MDGA1: variants seen among roughly 807,000 people sequenced by gnomAD.
MDGA1 encodes MAM domain-containing glycosylphosphatidylinositol anchor protein 1.
Under a neutral mutation model 101.5 loss-of-function variants are expected in MDGA1, and 54 were observed. That is an observed-to-expected ratio of 0.53 (90% CI 0.43 to 0.67). The LOEUF (loss-of-function observed/expected upper bound fraction) is 0.67, where lower values mean the gene tolerates loss of function less well. Ranked by LOEUF, MDGA1 falls within the 30% of genes least tolerant of loss-of-function variation. MDGA1 has a pLI of 0.00. For missense variants in MDGA1, 1,083 were observed against 1,323.8 expected, an observed-to-expected ratio of 0.82 and a Z score of 2.82; for synonymous variants, 533 against 558.3, an observed-to-expected ratio of 0.95 and a Z score of 0.64.
chr6:37,660,619 T>G (rs1761600874), intron 2 of MDGA1, among the ~76,000 whole-genome samples: 1 of 152,198 alleles, frequency 6.6e-6, no homozygotes. Context: ...TGATCAGGTT[T>G]TATAATCTCC....
intron 1 of MDGA1, among the ~76,000 whole-genome samples, chr6:37,664,639 G>T (rs1346834560): frequency 3.1e-5 from 1 of 32,492 alleles, no homozygotes; most frequent in East Asian, 1.6e-3. Flanking sequence ...ACACACAGAG[G>T]TGGGGTGACT....
intron 14 of MDGA1, among the ~76,000 whole-genome samples, chr6:37,642,589 T>G (rs934647193): frequency 1.3e-5 from 2 of 152,190 alleles, no homozygotes; most frequent in East Asian, 3.8e-4. Context: ...TGTGCCCTTT[T>G]GTACCTTTTG....
Position 37,638,397 on chromosome 6 carries a change from C to T in MDGA1, c.2668-84G>A. On this transcript the variant is annotated intron_variant, in intron 15 of 16. Coordinates refer to ENST00000434837, the MANE Select transcript of MDGA1 (RefSeq NM_153487.4). The surrounding 1 kb of genome is among the most constrained non-coding windows in gnomAD (Gnocchi z 4.8). ...GTGCTCCCTCGACCCCACCTTTCCC[C>T]TTAATCTACCTGGAAGTTCCCCCTA... is the stretch of plus-strand genomic sequence containing the variant. The T allele has an allele frequency of 2.0e-6, 3 of 1,510,308 alleles. No homozygotes were observed. The highest frequency in any genetic ancestry group is 9.0e-7 in the Non-Finnish European group (1 of 1,108,552). The allele number at this position is 1,510,308 out of a possible 1,614,324, so 93.6% of individuals were successfully genotyped here.
chr6:37,697,712 G>C lies in MDGA1; in HGVS notation c.-901C>G, dbSNP rs146513610. ...TAGCCCTCCCGGGCTCCGAGCTCTC[G>C]GGAGAGCGGGGCTACGCCGCGCCCC... is the stretch of plus-strand genomic sequence containing the variant. On this transcript the variant is annotated 5_prime_UTR_variant, in exon 1 of 17. Transcript: ENST00000434837. 6.7e-6 allele frequency: 1 copy of C among 150,196 alleles called. No homozygotes were observed. Among genetic ancestry groups the C allele is most frequent in the South Asian group, 2.1e-4 (1 of 4,818 alleles). 9.3% of individuals were successfully genotyped at this position (150,196 alleles called of 1,614,324 possible).
chr6:37,649,774 G>C (rs1761312877), intron 8 of MDGA1: 1 of 530,702 alleles, frequency 1.9e-6, no homozygotes, highest in African/African-American at 1.9e-5. Context: ...TTTGGCACAT[G>C]GTGGTAATTT....
intron 13 of MDGA1, 117 bp downstream of exon 13, chr6:37,644,380 A>C (rs1764173900): frequency 8.8e-7 from 1 of 1,134,334 alleles, no homozygotes; most frequent in Non-Finnish European, 1.2e-6. Flanking sequence ...CCCTGAGAAC[A>C]GGGCTGCGTC....
chr6:37,646,089 G>A (rs1255662067), intron 11 of MDGA1, 109 bp downstream of exon 11: 2 of 1,557,008 alleles, frequency 1.3e-6, no homozygotes, highest in South Asian at 1.1e-5. Flanking sequence ...GCAGTGACAA[G>A]GTAGTACACG....
In MDGA1 at chr6:37,696,903, C is replaced by T; in HGVS notation, c.-92G>A. On this transcript the variant is annotated 5_prime_UTR_variant, in exon 1 of 17. Coordinates refer to ENST00000434837, the MANE Select transcript of MDGA1 (RefSeq NM_153487.4). The surrounding 1 kb of genome is among the most constrained non-coding windows in gnomAD (Gnocchi z 5.6). ...CGGGGCCCCGCGACGCCCCTATGTC[C>T]CCCCCTTTCCCTGAGAGGTGAGAGA... is the stretch of plus-strand genomic sequence containing the variant. The T allele has an allele frequency of 3.9e-6, 4 of 1,013,936 alleles. No homozygotes were observed. Among genetic ancestry groups the T allele is most frequent in the Non-Finnish European group, 4.5e-6 (3 of 660,568 alleles). The allele number at this position is 1,013,936 out of a possible 1,614,324, so 62.8% of individuals were successfully genotyped here.
chr6:37,681,211 C>A (rs950924021), intron 1 of MDGA1, among the ~76,000 whole-genome samples: 6 of 152,196 alleles, frequency 3.9e-5, no homozygotes, highest in South Asian at 2.1e-4. Context: ...TCAGGGCTCA[C>A]GATGGGGGAT....
rs146449734 is a variant in MDGA1 at position 37,666,191 on chromosome 6, CAAA to C, written c.68-2088_68-2086del. On this transcript the variant is annotated intron_variant, in intron 1 of 16. Transcript: ENST00000434837. The stretch of plus-strand genomic sequence containing the variant: ...TGAAACCCCGTCTCTACTAAAAATA[CAAA>C]AAAAAAAAAAAAAAATTTAGCCAGG... Among the ~76,000 whole-genome samples the C allele has an allele frequency of 2.5e-3, 305 of 122,288 alleles. 3 individuals carry two copies. The highest frequency in any genetic ancestry group is 6.3e-3 in the African/African-American group (220 of 35,010). The allele number at this position is 122,288 out of a possible 152,430, so 80.2% of individuals were successfully genotyped here.
At chr6:37,658,740 G>A (rs957349497) in intron 2 of MDGA1, among the ~76,000 whole-genome samples, 1 of 152,200 alleles carries the variant, frequency 6.6e-6, no homozygotes. Context: ...GGGAGGCCAA[G>A]CGGGCGGATC....
Position 37,696,942 on chromosome 6 carries a change from A to C in MDGA1, c.-131T>G. On this transcript the variant is annotated 5_prime_UTR_variant, in exon 1 of 17. Coordinates refer to ENST00000434837, the MANE Select transcript of MDGA1 (RefSeq NM_153487.4). This position sits in a 1 kb window ranked among gnomAD's most constrained non-coding sequence, Gnocchi z 5.6. Reference sequence around the variant, plus strand: ...AGAGGTGAGAGAGAGAGCGGCGACGAAGACCAGGAGACTGAAGAGGCGGAG... The same window carrying C: ...AGAGGTGAGAGAGAGAGCGGCGACGCAGACCAGGAGACTGAAGAGGCGGAG... The C allele has an allele frequency of 1.3e-6, 1 of 770,350 alleles. No individual in the cohort carries two copies. Among genetic ancestry groups the C allele is most frequent in the East Asian group, 2.7e-5 (1 of 37,212 alleles). 47.7% of individuals were successfully genotyped at this position (770,350 alleles called of 1,614,324 possible).
chr6:37,667,226 G>A (rs758260832), intron 1 of MDGA1, among the ~76,000 whole-genome samples: 1 of 152,134 alleles, frequency 6.6e-6, no homozygotes, highest in Non-Finnish European at 1.5e-5. Context: ...CAGCGGGTTC[G>A]GTGGACAGTG....
intron 2 of MDGA1, among the ~76,000 whole-genome samples, chr6:37,661,874 G>T (rs10807187): frequency 0.36 from 53,962 of 151,992 alleles, 11,828 homozygotes; most frequent in Non-Finnish European, 0.49. Context: ...ATTGAAGGGG[G>T]CTGGGTGCAA....
chr6:37,662,232 C>G (rs1161625596), intron 2 of MDGA1, among the ~76,000 whole-genome samples: 1 of 150,558 alleles, frequency 6.6e-6, no homozygotes, highest in Non-Finnish European at 1.5e-5. Flanking sequence ...GAGTCTACTG[C>G]AACGGTCCAA....
intron 1 of MDGA1, among the ~76,000 whole-genome samples, chr6:37,665,736 G>A (rs1352200085): frequency 6.6e-6 from 1 of 152,190 alleles, no homozygotes; most frequent in Non-Finnish European, 1.5e-5. Context: ...TGCCCACTAA[G>A]TGCCTTTGTG....
At chr6:37,658,159 A>T in intron 3 of MDGA1, 86 bp downstream of exon 3, 1 of 1,406,784 alleles carries the variant, frequency 7.1e-7, no homozygotes, top group Non-Finnish European at 9.4e-7. Context: ...CCCCATGCCC[A>T]CTTCCCCACC....
intron 1 of MDGA1, among the ~76,000 whole-genome samples, chr6:37,684,626 T>C (rs1356615526): frequency 6.6e-6 from 1 of 152,208 alleles, no homozygotes; most frequent in Non-Finnish European, 1.5e-5. Context: ...ACTTGCCTTC[T>C]GCGGTCTCAG....
At position 37,696,622 on chromosome 6, in the gene MDGA1, G is replaced by A. The variant is rs1762424729; in HGVS notation, c.67+123C>T. The A allele has an allele frequency of 2.2e-6, 2 of 911,492 alleles. No individual in the cohort carries two copies. Among genetic ancestry groups the A allele is most frequent in the East Asian group, 2.7e-5 (1 of 37,548 alleles). 56.5% of individuals were successfully genotyped at this position (911,492 alleles called of 1,614,324 possible). ...CACGCGCCCTGGAGAGGGCGGGGACGCGGGCATCCACTCCAGAGTCCGAGT... is the reference window on the plus strand; with the variant it reads ...CACGCGCCCTGGAGAGGGCGGGGACACGGGCATCCACTCCAGAGTCCGAGT... On this transcript the variant is annotated intron_variant, in intron 1 of 16. Coordinates refer to ENST00000434837, the MANE Select transcript of MDGA1 (RefSeq NM_153487.4). This position sits in a 1 kb window ranked among gnomAD's most constrained non-coding sequence, Gnocchi z 5.6.
Sources: gnomAD v4.1 joint callset for allele counts (sites outside exome capture counted in the v4.1 genomes callset) on GRCh38, gnomAD v4.1.1 for gene constraint, Gnocchi (gnomAD v3.1) non-coding constraint, MANE v1.5 for transcripts, NCBI Gene and HGNC (gene_info 2026-07-23, HGNC 2026-07-21) for gene names.